The following TBC1D5 variants were observed in gnomAD, a reference collection of about 807,000 sequenced individuals.
TBC1D5 encodes TBC1 domain family member 5.
TBC1D5 carries 75 observed loss-of-function variants against 100.3 expected under a neutral mutation model. The ratio of observed to expected loss-of-function variants is 0.75; its 90% CI spans 0.62 to 0.91. The LOEUF is 0.91. Ranked by LOEUF, TBC1D5 falls within the 40% of genes least tolerant of loss-of-function variation. The pLI, the probability that TBC1D5 is intolerant of heterozygous loss-of-function variation, is 0.00. For missense variants in TBC1D5, 910 were observed against 942.4 expected, an observed-to-expected ratio of 0.97 and a Z score of 0.45; for synonymous variants, 323 against 325.6, an observed-to-expected ratio of 0.99 and a Z score of 0.09.
chr3:17,313,747 A>G (rs1559612012), intron 13 of TBC1D5, among the ~76,000 whole-genome samples: 1 of 152,170 alleles, frequency 6.6e-6, no homozygotes, highest in Non-Finnish European at 1.5e-5. Context: ...TCAGGGATGA[A>G]AGTAAGACCA....
rs75525028 is a variant in TBC1D5 at position 17,624,399 on chromosome 3, T to C, written c.-100-486A>G. Among the ~76,000 whole-genome samples, 331 of 152,258 alleles carry C rather than the reference T, an allele frequency of 2.2e-3. 2 individuals are homozygous for C. Among genetic ancestry groups the C allele is most frequent in the African/African-American group, 7.7e-3 (322 of 41,572 alleles). ...GATAAGCCAACTGTTTAGATTCCTC[T>C]CCTTTATGTTGTGTCTTTGATCACT... is the stretch of plus-strand genomic sequence containing the variant. On this transcript the variant is annotated intron_variant, in intron 1 of 21. Transcript: ENST00000253692.
intron 2 of TBC1D5, among the ~76,000 whole-genome samples, chr3:17,524,854 C>T (rs951905779): frequency 2.0e-5 from 3 of 151,718 alleles, no homozygotes; most frequent in South Asian, 2.1e-4. Context: ...ACAAGACAAA[C>T]TCCATCTCAA....
chr3:17,513,315 G>C (rs901745963), intron 2 of TBC1D5, among the ~76,000 whole-genome samples: 1 of 150,228 alleles, frequency 6.7e-6, no homozygotes, highest in African/African-American at 2.4e-5. Context: ...CTGGGCGACA[G>C]AGCAAGACTC....
chr3:17,638,521 T>A (rs1208472702), intron 1 of TBC1D5, among the ~76,000 whole-genome samples: 2 of 152,116 alleles, frequency 1.3e-5, no homozygotes, highest in Non-Finnish European at 2.9e-5. Flanking sequence ...GGAACTGACT[T>A]AGGAAAAAAT....
intron 1 of TBC1D5, among the ~76,000 whole-genome samples, chr3:17,656,723 A>G (rs1016530688): frequency 6.6e-6 from 1 of 152,198 alleles, no homozygotes; most frequent in Admixed American, 6.5e-5. Flanking sequence ...TACTTTTTTT[A>G]ATATGAGCTG....
intron 2 of TBC1D5, among the ~76,000 whole-genome samples, chr3:17,599,228 T>A (rs537050465): frequency 1.9e-4 from 29 of 152,172 alleles, no homozygotes; most frequent in African/African-American, 6.3e-4. Flanking sequence ...TGAAAAGTTA[T>A]CCCTGTTTCC....
intron 2 of TBC1D5, among the ~76,000 whole-genome samples, chr3:17,617,367 T>C (rs2062262434): frequency 6.6e-6 from 1 of 152,204 alleles, no homozygotes; most frequent in African/African-American, 2.4e-5. Context: ...TGTCTTGGGG[T>C]TGCTCTTCTC....
intron 13 of TBC1D5, among the ~76,000 whole-genome samples, chr3:17,320,368 G>A (rs951480054): frequency 6.6e-6 from 1 of 152,146 alleles, no homozygotes; most frequent in Non-Finnish European, 1.5e-5. Context: ...AGAAGCTCTA[G>A]GCAAAGTTCA....
intron 1 of TBC1D5, among the ~76,000 whole-genome samples, chr3:17,650,876 C>T (rs1052044320): frequency 4.6e-5 from 7 of 152,174 alleles, no homozygotes; most frequent in African/African-American, 1.7e-4. Context: ...TTCATTTATA[C>T]AAGGCAATCC....
intron 13 of TBC1D5, among the ~76,000 whole-genome samples, chr3:17,312,568 C>T (rs1025615796): frequency 1.3e-5 from 2 of 152,118 alleles, no homozygotes; most frequent in Non-Finnish European, 2.9e-5. Context: ...TTTGGGAACA[C>T]ATGTTAACCT....
intron 2 of TBC1D5, among the ~76,000 whole-genome samples, chr3:17,579,093 T>C (rs927641626): frequency 3.3e-5 from 5 of 152,042 alleles, no homozygotes; most frequent in Admixed American, 6.6e-5. Context: ...CTTTTAAGAA[T>C]TGAAATCTTA....
chr3:17,327,419 TTTC>T (rs893383037), intron 13 of TBC1D5, among the ~76,000 whole-genome samples: 1 of 152,208 alleles, frequency 6.6e-6, no homozygotes, highest in African/African-American at 2.4e-5. Context: ...TTAAAATGGC[TTTC>T]AAGATCTTAC....
intron 14 of TBC1D5, among the ~76,000 whole-genome samples, chr3:17,304,662 T>C (rs1361064261): frequency 6.6e-6 from 1 of 152,200 alleles, no homozygotes; most frequent in African/African-American, 2.4e-5. Context: ...TGCCTTGCCT[T>C]CCCAAAATGC....
intron 8 of TBC1D5, among the ~76,000 whole-genome samples, chr3:17,400,585 G>A (rs1356247243): frequency 6.6e-6 from 1 of 152,088 alleles, no homozygotes; most frequent in Non-Finnish European, 1.5e-5. Context: ...GTGTCAACTT[G>A]ATTGGACTGA....
chr3:17,484,592 C>A (rs745337333), intron 3 of TBC1D5, among the ~76,000 whole-genome samples: 5 of 151,936 alleles, frequency 3.3e-5, no homozygotes, highest in Non-Finnish European at 5.9e-5. Context: ...CCCACTCAGG[C>A]TCAAGTGAGC....
chr3:17,299,762 G>A (rs2082633225), intron 14 of TBC1D5, among the ~76,000 whole-genome samples: 3 of 151,468 alleles, frequency 2.0e-5, no homozygotes, highest in Admixed American at 2.0e-4. Context: ...AGGAGGCTGA[G>A]GCAGGAGAAT....
intron 2 of TBC1D5, among the ~76,000 whole-genome samples, chr3:17,578,429 G>T (rs1258299209): frequency 1.3e-5 from 2 of 151,934 alleles, no homozygotes. Context: ...GAAAGAACAT[G>T]AACTTAAACC....
intron 2 of TBC1D5, among the ~76,000 whole-genome samples, chr3:17,549,065 A>T (rs929218858): frequency 3.1e-4 from 47 of 151,994 alleles, no homozygotes; most frequent in African/African-American, 1.1e-3. Context: ...TGGGAGGCGG[A>T]GGCAGGTGGA....
chr3:17,444,268 AAAAGT>A (rs1394290428), intron 3 of TBC1D5, among the ~76,000 whole-genome samples: 1 of 152,148 alleles, frequency 6.6e-6, no homozygotes, highest in Non-Finnish European at 1.5e-5. Flanking sequence ...AAAGAAAAAG[AAAAGT>A]AGACAGCAAA....
Sources: gnomAD v4.1 joint callset for allele counts (sites outside exome capture counted in the v4.1 genomes callset) on GRCh38, gnomAD v4.1.1 for gene constraint, MANE v1.5 for transcripts, NCBI Gene and HGNC (gene_info 2026-07-23, HGNC 2026-07-21) for gene names.